The following STOX2 variants were observed in gnomAD, a reference collection of about 807,000 sequenced individuals.
STOX2 encodes storkhead box 2.
In STOX2, 28 loss-of-function variants were observed where a neutral mutation model predicts 60.9. The ratio of observed to expected loss-of-function variants is 0.46; its 90% CI spans 0.34 to 0.63. The LOEUF (loss-of-function observed/expected upper bound fraction) is 0.63, where lower values mean the gene tolerates loss of function less well. Among genes scored for constraint, STOX2 ranks in the 30% least tolerant of loss-of-function variants. The probability of loss-of-function intolerance (pLI) is 0.01; values close to 1 mark genes in which losing one functional copy is unlikely to be tolerated. For synonymous variants in STOX2, 472 were observed against 463.9 expected, an observed-to-expected ratio of 1.02 and a Z score of -0.22; for missense variants, 1,024 against 1,187.7, an observed-to-expected ratio of 0.86 and a Z score of 2.03.
At chr4:183,984,422 C>G (rs1579504657) in intron 1 of STOX2, among the ~76,000 whole-genome samples, 1 of 152,146 alleles carries the variant, frequency 6.6e-6, no homozygotes, top group African/African-American at 2.4e-5. Context: ...TCCTCAAGTA[C>G]ATTTGAAGCT....
At chr4:183,972,031 T>A (rs1032260910) in intron 1 of STOX2, among the ~76,000 whole-genome samples, 1 of 152,202 alleles carries the variant, frequency 6.6e-6, no homozygotes, top group African/African-American at 2.4e-5. Context: ...CTTCCTGACC[T>A]GAGAAGCAGG....
rs146874004 is a variant in STOX2 at position 183,858,226 on chromosome 4, C to T, written c.364+60171C>T. On this transcript the variant is annotated intron_variant, in intron 1 of 2. Coordinates refer to the STOX2 transcript ENST00000513034. ...CCTATCCACACTTCAGACAAAGCAGCTCCACAGGGAAACCCACAATCTGTT... is the reference window on the plus strand; with the variant it reads ...CCTATCCACACTTCAGACAAAGCAGTTCCACAGGGAAACCCACAATCTGTT... Among the ~76,000 whole-genome samples the T allele has an allele frequency of 2.7e-3, 410 of 152,370 alleles. 1 individual carries two copies. The highest frequency in any genetic ancestry group is 9.3e-3 in the African/African-American group (387 of 41,586).
At chr4:183,800,514 C>T (rs1400069545) in intron 1 of STOX2, among the ~76,000 whole-genome samples, 2 of 152,188 alleles carry the variant, frequency 1.3e-5, no homozygotes, top group African/African-American at 2.4e-5. Flanking sequence ...GTACATATAT[C>T]GTCAGGTCCT....
chr4:183,798,890 GTTTTA>G (rs755044863), intron 1 of STOX2: 469,044 of 842,916 alleles, frequency 0.56, 140,216 homozygotes, highest in Admixed American at 0.62. Context: ...TGTACTTTGG[GTTTTA>G]TACTTTGAGT....
chr4:183,819,230 G>A lies in STOX2; in HGVS notation c.364+21175G>A, dbSNP rs187583086. Among the ~76,000 whole-genome samples, 1,347 of 152,168 alleles carry A rather than the reference G, an allele frequency of 8.9e-3. 11 individuals are homozygous for A. The highest frequency in any genetic ancestry group is 0.014 in the Non-Finnish European group (936 of 67,996). On this transcript the variant is annotated intron_variant, in intron 1 of 2. Coordinates refer to the STOX2 transcript ENST00000513034. ...GGAGGTTGTAGAGAGCCGAGATCACGCCGCTGCACTCCAGCCTGGGCAACA... is the reference window on the plus strand; with the variant it reads ...GGAGGTTGTAGAGAGCCGAGATCACACCGCTGCACTCCAGCCTGGGCAACA...
At chr4:183,903,505 G>A (rs560873235), upstream of STOX2, among the ~76,000 whole-genome samples, 3 of 152,186 alleles carry the variant, frequency 2.0e-5, no homozygotes, top group South Asian at 2.1e-4. Context: ...CATACTAGAC[G>A]GTTTGCTGCA....
At chr4:183,982,780 A>G (rs1732702900) in intron 1 of STOX2, among the ~76,000 whole-genome samples, 1 of 152,210 alleles carries the variant, frequency 6.6e-6, no homozygotes, top group Admixed American at 6.5e-5. Flanking sequence ...CAGAAAAGTT[A>G]TCTCACGTCT....
intron 1 of STOX2, among the ~76,000 whole-genome samples, chr4:183,897,225 C>T (rs538732111): frequency 6.6e-6 from 1 of 152,352 alleles, no homozygotes; most frequent in East Asian, 1.9e-4. Flanking sequence ...ACTATTGTTT[C>T]ATTCCGAAGC....
chr4:183,799,014 G>A (rs1738699772), intron 1 of STOX2, among the ~76,000 whole-genome samples: 1 of 152,162 alleles, frequency 6.6e-6, no homozygotes, highest in Non-Finnish European at 1.5e-5. Context: ...ATTTTGGGAG[G>A]TCAAAAGTTC....
intron 1 of STOX2, among the ~76,000 whole-genome samples, chr4:183,957,867 T>G (rs1298836108): frequency 4.0e-5 from 6 of 150,498 alleles, no homozygotes; most frequent in African/African-American, 1.5e-4. Context: ...TCAGGGGGGA[T>G]GATAAAATGG....
intron 1 of STOX2, among the ~76,000 whole-genome samples, chr4:183,832,189 C>T (rs1045340500): frequency 6.6e-6 from 1 of 151,590 alleles, no homozygotes; most frequent in Non-Finnish European, 1.5e-5. Context: ...AGGGTTTCAC[C>T]ATGTTGGCCA....
At chr4:183,918,990 C>A (rs564434543) in intron 1 of STOX2, among the ~76,000 whole-genome samples, 1 of 152,324 alleles carries the variant, frequency 6.6e-6, no homozygotes, top group East Asian at 1.9e-4. Flanking sequence ...CATATCCTTT[C>A]CCTTCCTTCA....
At chr4:183,823,997 A>G (rs768302889) in intron 1 of STOX2, among the ~76,000 whole-genome samples, 78 of 152,214 alleles carry the variant, frequency 5.1e-4, no homozygotes, top group Non-Finnish European at 1.0e-3. Context: ...ATGTGTAGCC[A>G]TGTATCGTAA....
chr4:183,918,741 G>A (rs913597153), intron 1 of STOX2, among the ~76,000 whole-genome samples: 4 of 152,188 alleles, frequency 2.6e-5, no homozygotes, highest in Non-Finnish European at 5.9e-5. Context: ...AATAAAGGAG[G>A]GTGCTAGAAT....
chr4:183,934,268 A>T (rs1224390675), intron 1 of STOX2, among the ~76,000 whole-genome samples: 1 of 152,092 alleles, frequency 6.6e-6, no homozygotes, highest in African/African-American at 2.4e-5. Flanking sequence ...GTGCCACTGC[A>T]CTCCTGCTTG....
At chr4:183,955,279 G>A (rs1198148181) in intron 1 of STOX2, among the ~76,000 whole-genome samples, 1 of 152,150 alleles carries the variant, frequency 6.6e-6, no homozygotes, top group Non-Finnish European at 1.5e-5. Flanking sequence ...ATTCTTTGAA[G>A]GGCCAAGTAT....
At chr4:183,807,074 G>A (rs1057222452) in intron 1 of STOX2, among the ~76,000 whole-genome samples, 2 of 152,174 alleles carry the variant, frequency 1.3e-5, no homozygotes, top group East Asian at 3.9e-4. Context: ...CCGGGTTCAC[G>A]CCATTCTCCT....
chr4:183,949,741 A>G (rs1743013539), intron 1 of STOX2, among the ~76,000 whole-genome samples: 1 of 152,080 alleles, frequency 6.6e-6, no homozygotes, highest in Non-Finnish European at 1.5e-5. Flanking sequence ...TTAAATACCA[A>G]TACACTTTAG....
At chr4:183,940,288 C>A (rs555736061) in intron 1 of STOX2, among the ~76,000 whole-genome samples, 1 of 152,210 alleles carries the variant, frequency 6.6e-6, no homozygotes, top group Non-Finnish European at 1.5e-5. Flanking sequence ...AATTTTTCCA[C>A]AAAACTGCTA....
Sources: allele counts gnomAD v4.1 joint callset (sites outside exome capture counted in the v4.1 genomes callset), GRCh38; gene constraint gnomAD v4.1.1; transcripts MANE v1.5; gene names NCBI Gene and HGNC (gene_info 2026-07-23, HGNC 2026-07-21).